PCDH9: variants seen among roughly 807,000 people sequenced by gnomAD.
PCDH9 encodes protocadherin 9, also known as protocadherin-9.
A neutral mutation model predicts 70.6 loss-of-function variants in PCDH9; 24 were observed. That is an observed-to-expected ratio of 0.34 (90% CI 0.25 to 0.48). The LOEUF is 0.48. Among genes scored for constraint, PCDH9 ranks in the 20% least tolerant of loss-of-function variants. The pLI is 0.99. For synonymous variants in PCDH9, 562 were observed against 558.5 expected, an observed-to-expected ratio of 1.01 and a Z score of -0.09; for missense variants, 1,281 against 1,503.6, an observed-to-expected ratio of 0.85 and a Z score of 2.45.
Position 67,228,476 on chromosome 13 carries a change from G to A in PCDH9, c.-36C>T, listed in dbSNP as rs753696668. The A allele has an allele frequency of 6.6e-7, 1 of 1,513,634 alleles. No homozygotes were observed. Among genetic ancestry groups the A allele is most frequent in the South Asian group, 1.3e-5 (1 of 74,266 alleles). 93.8% of individuals were successfully genotyped at this position (1,513,634 alleles called of 1,614,324 possible). On this transcript the variant is annotated 5_prime_UTR_variant, in exon 2 of 5. Transcript: ENST00000377865. ...TTATTTTCTTTTCCTGGATTTTAGG[G>A]TTTAAAGGTTTCCACTGAGGAATGA... is the stretch of plus-strand genomic sequence containing the variant.
chr13:66,777,509 G>A (rs373619380), intron 3 of PCDH9, among the ~76,000 whole-genome samples: 16 of 152,044 alleles, frequency 1.1e-4, no homozygotes, highest in East Asian at 5.8e-4. Flanking sequence ...ACATTTATGC[G>A]GCCAAAAAAC....
At chr13:66,697,540 A>C (rs968079406) in intron 3 of PCDH9, among the ~76,000 whole-genome samples, 2 of 152,242 alleles carry the variant, frequency 1.3e-5, no homozygotes, top group African/African-American at 4.8e-5. Flanking sequence ...TATTTAAAAC[A>C]AGATTTTTCA....
At chr13:67,190,285 C>T (rs569823908) in intron 2 of PCDH9, among the ~76,000 whole-genome samples, 12 of 151,924 alleles carry the variant, frequency 7.9e-5, no homozygotes, top group East Asian at 7.7e-4. Flanking sequence ...ACATTAGAGA[C>T]GCAGAAAACA....
chr13:66,609,300 C>T (rs938399575), intron 4 of PCDH9, among the ~76,000 whole-genome samples: 2 of 152,044 alleles, frequency 1.3e-5, no homozygotes, highest in African/African-American at 4.8e-5. Context: ...GTATCAACAG[C>T]ATTTTAATAC....
intron 3 of PCDH9, among the ~76,000 whole-genome samples, chr13:66,732,387 A>G (rs933744144): frequency 6.6e-6 from 1 of 152,000 alleles, no homozygotes; most frequent in Non-Finnish European, 1.5e-5. Context: ...TATCTGTGAT[A>G]TAATGTAAAA....
At chr13:67,154,223 C>T (rs1395471279) in intron 2 of PCDH9, among the ~76,000 whole-genome samples, 1 of 151,812 alleles carries the variant, frequency 6.6e-6, no homozygotes, top group Non-Finnish European at 1.5e-5. Flanking sequence ...GGGGCTGAAG[C>T]AGGTAGATCC....
chr13:66,325,427 G>T (rs1010295090), intron 4 of PCDH9, among the ~76,000 whole-genome samples: 1 of 152,022 alleles, frequency 6.6e-6, no homozygotes, highest in Non-Finnish European at 1.5e-5. Flanking sequence ...GAGATGGGGG[G>T]AGAAAAGTTT....
chr13:67,122,578 T>C (rs994617539), intron 2 of PCDH9, among the ~76,000 whole-genome samples: 9 of 151,590 alleles, frequency 5.9e-5, no homozygotes, highest in Non-Finnish European at 8.8e-5. Flanking sequence ...ATGGAGACCA[T>C]CTTGGCCAAC....
intron 2 of PCDH9, among the ~76,000 whole-genome samples, chr13:67,091,136 A>G (rs1439701151): frequency 6.6e-6 from 1 of 152,114 alleles, no homozygotes; most frequent in Non-Finnish European, 1.5e-5. Context: ...TTCTCCTCCA[A>G]TGACTTTGTA....
At chr13:66,450,181 A>T (rs1444849488) in intron 4 of PCDH9, among the ~76,000 whole-genome samples, 1 of 152,222 alleles carries the variant, frequency 6.6e-6, no homozygotes, top group Non-Finnish European at 1.5e-5. Context: ...AATATTGTAT[A>T]AAATCTAGAG....
intron 3 of PCDH9, among the ~76,000 whole-genome samples, chr13:66,896,475 T>C (rs755243578): frequency 6.6e-5 from 10 of 152,122 alleles, no homozygotes; most frequent in Non-Finnish European, 1.0e-4. Flanking sequence ...GGCTATTATA[T>C]GTAAAATTGG....
chr13:66,730,876 G>GTGTTTTTTTTTTTTCTTTTTTTT, intron 3 of PCDH9, among the ~76,000 whole-genome samples: 1 of 46,358 alleles, frequency 2.2e-5, no homozygotes, highest in African/African-American at 7.5e-5. Flanking sequence ...GTGTGTGTGT[G>GTGTTTTTTTTTTTTCTTTTTTTT]TTTTTTTTTT....
rs1434980648 is a variant in PCDH9, at chr13:66,776,239, C to A, written c.3138+127265G>T. Among the ~76,000 whole-genome samples, 5 of 151,120 alleles carry A rather than the reference C, an allele frequency of 3.3e-5. No homozygotes were observed. The East Asian group carries it at 9.7e-4, about 29-fold the overall frequency. Reference sequence around the variant, plus strand: ...GGCACAAGACAGGGATGCCCTCTCTCACCGCTCCTATTCAACATAGTGTTG... The same window carrying A: ...GGCACAAGACAGGGATGCCCTCTCTAACCGCTCCTATTCAACATAGTGTTG... On this transcript the variant is annotated intron_variant, in intron 3 of 4. Coordinates refer to ENST00000377865, the MANE Select transcript of PCDH9 (RefSeq NM_203487.3).
At chr13:66,685,778 A>G (rs1292390949) in intron 3 of PCDH9, among the ~76,000 whole-genome samples, 1 of 152,224 alleles carries the variant, frequency 6.6e-6, no homozygotes, top group East Asian at 1.9e-4. Flanking sequence ...GAGTCTAAGG[A>G]GATCATTTTG....
chr13:66,939,785 G>T (rs550100405), intron 2 of PCDH9, among the ~76,000 whole-genome samples: 1 of 152,128 alleles, frequency 6.6e-6, no homozygotes, highest in African/African-American at 2.4e-5. Flanking sequence ...GAATGAAAAT[G>T]ACTGATAGAA....
At chr13:66,539,898 T>C (rs1421735908) in intron 4 of PCDH9, among the ~76,000 whole-genome samples, 1 of 143,028 alleles carries the variant, frequency 7.0e-6, no homozygotes, top group Non-Finnish European at 1.5e-5. Flanking sequence ...TGAGACAAGG[T>C]CTTGCTGTGT....
chr13:66,604,601 T>C (rs756690939), intron 4 of PCDH9, among the ~76,000 whole-genome samples: 6 of 152,212 alleles, frequency 3.9e-5, no homozygotes, highest in South Asian at 4.1e-4. Context: ...ACTTGAGTGA[T>C]GGATTTTTTC....
At chr13:66,970,575 C>G (rs1310863876) in intron 2 of PCDH9, among the ~76,000 whole-genome samples, 1 of 146,662 alleles carries the variant, frequency 6.8e-6, no homozygotes, top group Non-Finnish European at 1.5e-5. Flanking sequence ...AGGATTCAAG[C>G]TTACAGGGGT....
chr13:66,632,005 T>C (rs1185645402), intron 3 of PCDH9, among the ~76,000 whole-genome samples: 4 of 152,148 alleles, frequency 2.6e-5, no homozygotes, highest in African/African-American at 7.2e-5. Context: ...GCGATTCTCC[T>C]GTCTCAGCCT....
Sources: allele counts gnomAD v4.1 joint callset (sites outside exome capture counted in the v4.1 genomes callset), GRCh38; gene constraint gnomAD v4.1.1; transcripts MANE v1.5; gene names NCBI Gene and HGNC (gene_info 2026-07-23, HGNC 2026-07-21).